Variants in RUFY2 observed in about 807,000 individuals in gnomAD.
RUFY2 encodes RUN and FYVE domain-containing protein 2.
Under a neutral mutation model 94.4 loss-of-function variants are expected in RUFY2, and 49 were observed. The observed-to-expected ratio is 0.52, with a 90% CI of 0.41 to 0.66. The LOEUF is 0.66. Among genes scored for constraint, RUFY2 ranks in the 30% least tolerant of loss-of-function variants. RUFY2 has a pLI of 0.00. For missense variants in RUFY2, 541 were observed against 692.8 expected (o/e 0.78, Z 2.46); for synonymous variants, 255 against 235.7 (o/e 1.08, Z -0.75).
At chr10:68,341,807 A>G (rs758134733), downstream of RUFY2, 8 of 1,611,050 alleles carry the variant, frequency 5.0e-6, no homozygotes, top group South Asian at 1.1e-5. Context: ...ATGGGGAACA[A>G]TTACAGTGGA....
rs143157603 is a variant in RUFY2, at chr10:68,355,274, A to G, written c.1599+79T>C. ...CTCTATATATCCTGGGGTTAATAAT[A>G]CATTAGATTCACACAGGGCATTACC... On this transcript the variant is annotated intron_variant, in intron 16 of 17. Coordinates refer to ENST00000602465, the MANE Select transcript of RUFY2 (RefSeq NM_001330103.2). 83 of 1,013,270 alleles carry G rather than the reference A, an allele frequency of 8.2e-5. No individual in the cohort carries two copies. The African/African-American group carries it at 1.3e-3, about 16-fold the overall frequency. The allele number at this position is 1,013,270 out of a possible 1,614,324, so 62.8% of individuals were successfully genotyped here.
At position 68,345,702 on chromosome 10, in the gene RUFY2, C is replaced by G; in HGVS notation, c.*66G>C. 6.8e-6 allele frequency: 10 copies of G among 1,480,744 alleles called. No homozygotes were observed. In the South Asian group the frequency reaches 1.2e-4, roughly 18 times the overall value. 91.7% of individuals were successfully genotyped at this position (1,480,744 alleles called of 1,614,324 possible). ...CGCTTAAGGAGAGCTGTCTGGTTAC[C>G]TTTGTATACAACATCATAACATTCA... On this transcript the variant is annotated 3_prime_UTR_variant, in exon 18 of 18. Coordinates refer to ENST00000602465, the MANE Select transcript of RUFY2 (RefSeq NM_001330103.2).
In RUFY2 at chr10:68,377,512, CTGTG is replaced by C. The variant is rs138187780; in HGVS notation, c.1206-544_1206-541del. ...GCATTTACTAAATTATGCCGAAGCT[CTGTG>C]TGTGTGTGTGTGTGCACGTGTGCAT... On this transcript the variant is annotated intron_variant, in intron 12 of 17. Transcript: ENST00000602465. 3.2e-6 allele frequency: 3 copies of C among 945,966 alleles called. No homozygotes were observed. In the South Asian group the frequency reaches 1.5e-4, roughly 46 times the overall value. The allele number at this position is 945,966 out of a possible 1,614,324, so 58.6% of individuals were successfully genotyped here.
At chr10:68,398,409 T>C (rs1384960082) in intron 3 of RUFY2, among the ~76,000 whole-genome samples, 10 of 152,150 alleles carry the variant, frequency 6.6e-5, no homozygotes. Context: ...CCCAGCACTT[T>C]GGGAGGCCAA....
At chr10:68,376,552 TC>T (rs1417390102) in intron 13 of RUFY2, among the ~76,000 whole-genome samples, 4 of 134,194 alleles carry the variant, frequency 3.0e-5, no homozygotes, top group Admixed American at 2.5e-4. Context: ...AAGCCTATAC[TC>T]AGCACCTAGA....
intron 3 of RUFY2, among the ~76,000 whole-genome samples, chr10:68,397,338 G>A (rs2050463547): frequency 6.6e-6 from 1 of 152,114 alleles, no homozygotes; most frequent in Non-Finnish European, 1.5e-5. Context: ...AGCTAAACAT[G>A]GAAATGGTAA....
At chr10:68,363,466 C>G (rs1208171007) in intron 15 of RUFY2, 124 bp downstream of exon 15, 6 of 588,498 alleles carry the variant, frequency 1.0e-5, no homozygotes, top group Non-Finnish European at 1.7e-5. Flanking sequence ...AGGCGTGAAC[C>G]ACCGCGCCCG....
intron 12 of RUFY2, chr10:68,378,794 T>C (rs962991464): frequency 1.6e-6 from 1 of 643,550 alleles, no homozygotes; most frequent in African/African-American, 1.8e-5. Context: ...TAAAAGAATA[T>C]TCATGTCAAT....
chr10:68,374,385 A>T (rs1443955325), intron 13 of RUFY2, among the ~76,000 whole-genome samples: 1 of 152,140 alleles, frequency 6.6e-6, no homozygotes, highest in Non-Finnish European at 1.5e-5. Flanking sequence ...ATATCAGAAA[A>T]ATTAACTTCA....
chr10:68,345,858 T>G lies in RUFY2; in HGVS notation c.1731A>C (p.Glu577Asp), dbSNP rs1473428391. The G allele has an allele frequency of 6.2e-7, 1 of 1,614,134 alleles. No individual in the cohort carries two copies. The highest frequency in any genetic ancestry group is 8.5e-7 in the Non-Finnish European group (1 of 1,179,998). The change falls in exon 18 of 18, where the codon GAA (glutamate) becomes GAC (aspartate). Residue 577 changes from glutamate (E) to aspartate (D), a missense_variant. Glu to Asp is a conservative substitution (Grantham distance 45, BLOSUM62 2). Around this residue, in one of 3 missense-constraint regions of RUFY2, gnomAD observed 403 missense variants for 480.7 expected, o/e 0.84. Transcript: ENST00000602465. The part of the protein sequence containing the change: ...EIFCNACSDN[E>D]LPLPSSPKPV... ...GTTTTGGTGAAGAAGGCAAAGGTAG[T>G]TCGTTGTCAGAGCAGGCATTACAGA...
intron 13 of RUFY2, among the ~76,000 whole-genome samples, chr10:68,371,502 G>A (rs2048278063): frequency 6.6e-6 from 1 of 151,460 alleles, no homozygotes; most frequent in Admixed American, 6.6e-5. Flanking sequence ...TGAGGCAGAA[G>A]AATCGCTTGA....
At chr10:68,357,285 G>A (rs958643271) in intron 15 of RUFY2, among the ~76,000 whole-genome samples, 6 of 150,990 alleles carry the variant, frequency 4.0e-5, no homozygotes, top group African/African-American at 1.5e-4. Context: ...CTGGAATGCA[G>A]TGGCATGATC....
chr10:68,385,597 T>A (rs187685327), intron 8 of RUFY2, among the ~76,000 whole-genome samples: 88 of 152,264 alleles, frequency 5.8e-4, no homozygotes, highest in African/African-American at 1.9e-3. Context: ...TTCTTTTTTT[T>A]AATGTGTATT....
chr10:68,347,904 A>C (rs1181114681), intron 16 of RUFY2, among the ~76,000 whole-genome samples: 1 of 148,688 alleles, frequency 6.7e-6, no homozygotes, highest in East Asian at 2.0e-4. Context: ...CATTTCTAAA[A>C]ACAAGAGTTT....
intron 16 of RUFY2, among the ~76,000 whole-genome samples, chr10:68,347,460 T>A (rs2046367354): frequency 6.6e-6 from 1 of 151,974 alleles, no homozygotes; most frequent in Admixed American, 6.6e-5. Context: ...ATTTTTGTAT[T>A]TTTAGTAGAG....
At chr10:68,368,514 C>G (rs1013366873) in intron 13 of RUFY2, among the ~76,000 whole-genome samples, 3 of 151,772 alleles carry the variant, frequency 2.0e-5, no homozygotes, top group African/African-American at 4.8e-5. Flanking sequence ...ACAAAATTAG[C>G]CAAGAGTGGT....
At chr10:68,378,138 T>G in intron 12 of RUFY2, 1 of 985,968 alleles carries the variant, frequency 1.0e-6, no homozygotes, top group Non-Finnish European at 1.2e-6. Flanking sequence ...GTCTGGGTTA[T>G]AAATTATTTT....
At chr10:68,365,057 A>G (rs1242748103) in intron 13 of RUFY2, among the ~76,000 whole-genome samples, 1 of 152,126 alleles carries the variant, frequency 6.6e-6, no homozygotes, top group Non-Finnish European at 1.5e-5. Flanking sequence ...TGTTGAGTAC[A>G]TTATTTTAAT....
chr10:68,406,742 C>T (rs372882905), intron 1 of RUFY2: 1 of 1,603,350 alleles, frequency 6.2e-7, no homozygotes, highest in Non-Finnish European at 8.5e-7. Context: ...AGGACCATCG[C>T]GGCGGGCTCA....
Sources: gnomAD v4.1 joint callset for allele counts (sites outside exome capture counted in the v4.1 genomes callset) on GRCh38, gnomAD v4.1.1 for gene constraint, gnomAD v4.1.1 regional missense constraint, MANE v1.5 for transcripts, NCBI Gene and HGNC (gene_info 2026-07-23, HGNC 2026-07-21) for gene names.